The following PRAMEF17 variants were observed in gnomAD, a reference collection of about 807,000 sequenced individuals.
The protein encoded by PRAMEF17 is PRAME family member 17.
PRAMEF17 carries 48 observed loss-of-function variants against 36.8 expected under a neutral mutation model. The observed-to-expected ratio is 1.30, with a 90% CI of 1.03 to 1.66. PRAMEF17 has a LOEUF of 1.66. Ranked by LOEUF, PRAMEF17 falls within the 40% of genes most tolerant of loss-of-function variation. PRAMEF17 has a pLI of 0.00. For missense variants in PRAMEF17, 639 were observed against 560.6 expected (o/e 1.14, Z -1.41); for synonymous variants, 246 against 220.4 (o/e 1.12, Z -1.03).
At position 13,392,031 on chromosome 1, in the gene PRAMEF17, C is replaced by G. The variant is rs1276175531; in HGVS notation, c.954C>G (p.Ser318Arg). The G allele has an allele frequency of 1.9e-6, 3 of 1,611,856 alleles. No homozygotes were observed. Among genetic ancestry groups the G allele is most frequent in the East Asian group, 2.2e-5 (1 of 44,836 alleles). ...QDMECLSQYPSLSQLKELHLI... is the reference protein window; with the variant it reads ...QDMECLSQYPRLSQLKELHLI... The stretch of plus-strand genomic sequence containing the variant: ...TGGAGTGTCTGTCTCAGTACCCAAG[C>G]CTCAGTCAGCTAAAGGAGCTGCATC... Residue 318 changes from serine (S) to arginine (R), a missense_variant, in exon 3 of 3, where the codon AGC becomes AGG. Ser to Arg is a moderately radical substitution (Grantham distance 110). Coordinates refer to ENST00000376098, the MANE Select transcript of PRAMEF17 (RefSeq NM_001099851.3).
chr1:13,389,918 A>G lies in PRAMEF17; in HGVS notation c.261A>G (p.Thr87=), dbSNP rs4026232. 3 of 1,612,844 alleles carry G rather than the reference A, an allele frequency of 1.9e-6. No individual in the cohort carries two copies. The highest frequency in any genetic ancestry group is 4.5e-5 in the East Asian group (2 of 44,872). Residue 87 remains threonine (T), a synonymous_variant, in exon 1 of 3, where the codon ACA becomes ACG. Coordinates refer to ENST00000376098, the MANE Select transcript of PRAMEF17 (RefSeq NM_001099851.3). ...TLQAVLKGLD[T]LLAQKLRPRR... is the part of the protein sequence containing the mutation. ...AAGCTGTGCTGAAGGGACTTGATAC[A>G]CTGCTGGCCCAGAAGCTTCGCCCCA...
At position 13,392,288 on chromosome 1, in the gene PRAMEF17, T is replaced by C. The variant is rs1640896100; in HGVS notation, c.1211T>C (p.Leu404Pro). 1 of 1,612,050 alleles carries C rather than the reference T, an allele frequency of 6.2e-7. No individual in the cohort carries two copies. The highest frequency in any genetic ancestry group is 1.1e-5 in the South Asian group (1 of 90,990). ...LKDLLCHTGG[L>P]SKLGLELYPA... ...GACCTGCTGTGTCACACAGGTGGGCTGAGCAAGTTAGGTCTGGAGTTGTAT... is the reference window on the plus strand; with the variant it reads ...GACCTGCTGTGTCACACAGGTGGGCCGAGCAAGTTAGGTCTGGAGTTGTAT... The change falls in exon 3 of 3, where the codon CTG becomes CCG. Residue 404 changes from leucine (L) to proline (P), a missense_variant. Leu to Pro is a moderately conservative substitution (Grantham distance 98, BLOSUM62 -3). Coordinates refer to ENST00000376098, the MANE Select transcript of PRAMEF17 (RefSeq NM_001099851.3).
Position 13,390,884 on chromosome 1 carries a change from C to G in PRAMEF17, c.831C>G (p.Ile277Met). 6.2e-7 allele frequency: 1 copy of G among 1,611,980 alleles called. No homozygotes were observed. The highest frequency in any genetic ancestry group is 1.3e-5 in the African/African-American group (1 of 74,952). Residue 277 changes from isoleucine to methionine, a missense_variant, in exon 2 of 3, where the codon ATC (isoleucine) becomes ATG (methionine). Transcript: ENST00000376098. ...YYPQMLYIRK[I>M]SNIKEHLEHL... ...CTCAGATGCTTTATATAAGAAAGAT[C>G]AGTAATATCAAAGAGCACCTGGAGC...
At chr1:13,391,559 T>C (rs1421278582) in intron 2 of PRAMEF17, among the ~76,000 whole-genome samples, 5 of 152,270 alleles carry the variant, frequency 3.3e-5, no homozygotes, top group Admixed American at 6.5e-5. Context: ...CTCAGTTGAG[T>C]TCTTTGTGCA....
chr1:13,389,791 G>T lies in PRAMEF17; in HGVS notation c.134G>T (p.Ser45Ile). 6.2e-7 allele frequency: 1 copy of T among 1,613,194 alleles called. No homozygotes were observed. The highest frequency in any genetic ancestry group is 1.3e-5 in the African/African-American group (1 of 75,012). The stretch of plus-strand genomic sequence containing the variant: ...CCTCTGATGTTCATGGAGGCCTCCA[G>T]CATGAGACATTTTGAGGCCCTGAAG... ...VFPLMFMEASSMRHFEALKLM... is the reference protein window; with the variant it reads ...VFPLMFMEASIMRHFEALKLM... The change falls in exon 1 of 3, where the codon AGC (serine) becomes ATC (isoleucine). Residue 45 changes from serine to isoleucine, a missense_variant. Physicochemically the swap from Ser to Ile is moderately radical, Grantham distance 142. Transcript: ENST00000376098.
At chr1:13,391,380 G>C (rs1215383040) in intron 2 of PRAMEF17, among the ~76,000 whole-genome samples, 52 of 152,300 alleles carry the variant, frequency 3.4e-4, no homozygotes, top group African/African-American at 1.1e-3. Flanking sequence ...GTCTGTAAAA[G>C]GTTCTTTTGA....
In PRAMEF17 at chr1:13,392,355, T is replaced by C; in HGVS notation, c.1278T>C (p.Asn426=). 1 of 1,611,914 alleles carries C rather than the reference T, an allele frequency of 6.2e-7. No individual in the cohort carries two copies. The highest frequency in any genetic ancestry group is 1.1e-5 in the South Asian group (1 of 90,986). Residue 426 remains asparagine, a synonymous_variant, in exon 3 of 3, where the codon AAT becomes AAC. Coordinates refer to ENST00000376098, the MANE Select transcript of PRAMEF17 (RefSeq NM_001099851.3). ...LECLDNRGHV[N]WEILAPIRAE... ...GTCTTGACAACAGGGGTCATGTCAA[T>C]TGGGAGATCCTCGCCCCAATTCGGG...
chr1:13,390,818 C>G lies in PRAMEF17; in HGVS notation c.765C>G (p.Phe255Leu). The G allele has an allele frequency of 6.2e-7, 1 of 1,612,030 alleles. No homozygotes were observed. Among genetic ancestry groups the G allele is most frequent in the Non-Finnish European group, 8.5e-7 (1 of 1,179,868 alleles). Residue 255 changes from phenylalanine (F) to leucine (L), a missense_variant, in exon 2 of 3, where the codon TTC becomes TTG. Physicochemically the swap from Phe to Leu is conservative, Grantham distance 22. Transcript: ENST00000376098. ...DELYVSGQQQ[F>L]VPDLDCPFLC... is the part of the protein sequence containing the mutation. The stretch of plus-strand genomic sequence containing the variant: ...TATATGTAAGCGGCCAACAGCAGTT[C>G]GTTCCTGACTTGGACTGTCCATTCC...
In PRAMEF17 at chr1:13,390,848, C is replaced by T; in HGVS notation, c.795C>T (p.Cys265=). The change falls in exon 2 of 3, where the codon TGC becomes TGT. Residue 265 remains cysteine, a synonymous_variant. Coordinates refer to ENST00000376098, the MANE Select transcript of PRAMEF17 (RefSeq NM_001099851.3). ...CTGACTTGGACTGTCCATTCCTCTG[C>T]CTGTACTACCCTCAGATGCTTTATA... ...FVPDLDCPFL[C]LYYPQMLYIR... 1 of 1,612,028 alleles carries T rather than the reference C, an allele frequency of 6.2e-7. No individual in the cohort carries two copies. The highest frequency in any genetic ancestry group is 8.5e-7 in the Non-Finnish European group (1 of 1,179,866).
Position 13,390,666 on chromosome 1 carries a change from G to C in PRAMEF17, c.613G>C (p.Asp205His). 1 of 1,612,000 alleles carries C rather than the reference G, an allele frequency of 6.2e-7. No homozygotes were observed. Among genetic ancestry groups the C allele is most frequent in the Non-Finnish European group, 8.5e-7 (1 of 1,179,826 alleles). ...FRNLLKRVYPDSIQELEIKRK... is the reference protein window; with the variant it reads ...FRNLLKRVYPHSIQELEIKRK... ...AAATTTATTGAAAAGGGTATACCCAGACAGTATCCAGGAGTTGGAAATTAA... is the reference window on the plus strand; with the variant it reads ...AAATTTATTGAAAAGGGTATACCCACACAGTATCCAGGAGTTGGAAATTAA... The change falls in exon 2 of 3, where the codon GAC (aspartate) becomes CAC (histidine). Residue 205 changes from aspartate to histidine, a missense_variant. Physicochemically the swap from Asp to His is moderately conservative, Grantham distance 81. Coordinates refer to ENST00000376098, the MANE Select transcript of PRAMEF17 (RefSeq NM_001099851.3).
chr1:13,389,981 G>T (rs1420666775), intron 1 of PRAMEF17, 37 bp downstream of exon 1: 5 of 1,612,136 alleles, frequency 3.1e-6, no homozygotes, highest in Non-Finnish European at 4.2e-6. Flanking sequence ...GAAGGGTCCA[G>T]GCATCCAGGG....
intron 2 of PRAMEF17, among the ~76,000 whole-genome samples, chr1:13,391,571 T>C (rs879252378): frequency 2.0e-5 from 3 of 151,990 alleles, no homozygotes; most frequent in African/African-American, 7.2e-5. Context: ...CTTTGTGCAC[T>C]TCTCCCACTG....
At position 13,390,525 on chromosome 1, in the gene PRAMEF17, A is replaced by G. The variant is rs1640865821; in HGVS notation, c.472A>G (p.Ser158Gly). 1 of 1,612,028 alleles carries G rather than the reference A, an allele frequency of 6.2e-7. No individual in the cohort carries two copies. The highest frequency in any genetic ancestry group is 1.1e-5 in the South Asian group (1 of 90,990). Residue 158 changes from serine (S) to glycine (G), a missense_variant, in exon 2 of 3, where the codon AGT becomes GGT. Coordinates refer to ENST00000376098, the MANE Select transcript of PRAMEF17 (RefSeq NM_001099851.3). Reference protein sequence around the residue: ...KVFIDLCQKESTLDECLSYLC... With the variant: ...KVFIDLCQKEGTLDECLSYLC... ...GTTCATAGACCTCTGCCAAAAGGAAAGTACACTGGATGAATGCCTGAGCTA... is the reference window on the plus strand; with the variant it reads ...GTTCATAGACCTCTGCCAAAAGGAAGGTACACTGGATGAATGCCTGAGCTA...
At position 13,392,193 on chromosome 1, in the gene PRAMEF17, C is replaced by T. The variant is rs1640894552; in HGVS notation, c.1116C>T (p.Ala372=). 1.2e-6 allele frequency: 2 copies of T among 1,611,854 alleles called. No individual in the cohort carries two copies. Among genetic ancestry groups the T allele is most frequent in the South Asian group, 2.2e-5 (2 of 90,988 alleles). The change falls in exon 3 of 3, where the codon GCC becomes GCT. Residue 372 remains alanine, a synonymous_variant. Coordinates refer to ENST00000376098, the MANE Select transcript of PRAMEF17 (RefSeq NM_001099851.3). ...QDSQLRVLLP[A]LSRCSQLTTF... is the part of the protein sequence containing the mutation. Reference sequence around the variant, plus strand: ...CCCAGCTCAGGGTCCTCCTGCCTGCCCTGAGCCGCTGCTCCCAGCTCACCA... The same window carrying T: ...CCCAGCTCAGGGTCCTCCTGCCTGCTCTGAGCCGCTGCTCCCAGCTCACCA...
At chr1:13,391,243 A>G (rs1331458779) in intron 2 of PRAMEF17, among the ~76,000 whole-genome samples, 1 of 152,136 alleles carries the variant, frequency 6.6e-6, no homozygotes, top group Non-Finnish European at 1.5e-5. Context: ...AGTTAATATG[A>G]TGAAACTTAT....
chr1:13,390,853 A>G lies in PRAMEF17; in HGVS notation c.800A>G (p.Tyr267Cys). ...TTGGACTGTCCATTCCTCTGCCTGT[A>G]CTACCCTCAGATGCTTTATATAAGA... Reference protein sequence around the residue: ...PDLDCPFLCLYYPQMLYIRKI... With the variant: ...PDLDCPFLCLCYPQMLYIRKI... The change falls in exon 2 of 3, where the codon TAC (tyrosine) becomes TGC (cysteine). Residue 267 changes from tyrosine (Y) to cysteine (C), a missense_variant. Transcript: ENST00000376098. 6.2e-7 allele frequency: 1 copy of G among 1,611,390 alleles called. No homozygotes were observed. The highest frequency in any genetic ancestry group is 8.5e-7 in the Non-Finnish European group (1 of 1,179,390).
chr1:13,389,857 G>T lies in PRAMEF17; in HGVS notation c.200G>T (p.Gly67Val). 1.2e-6 allele frequency: 2 copies of T among 1,613,648 alleles called. No homozygotes were observed. Among genetic ancestry groups the T allele is most frequent in the Non-Finnish European group, 1.7e-6 (2 of 1,180,024 alleles). ...QAWPFLRLPLGSLMKTPHLET... is the reference protein window; with the variant it reads ...QAWPFLRLPLVSLMKTPHLET... Reference sequence around the variant, plus strand: ...TGGCCCTTCCTCCGCCTCCCTCTGGGATCCCTGATGAAGACACCTCATCTG... The same window carrying T: ...TGGCCCTTCCTCCGCCTCCCTCTGGTATCCCTGATGAAGACACCTCATCTG... Residue 67 changes from glycine to valine, a missense_variant, in exon 1 of 3, where the codon GGA becomes GTA. Physicochemically the swap from Gly to Val is moderately radical, Grantham distance 109 (BLOSUM62 -3). Coordinates refer to ENST00000376098, the MANE Select transcript of PRAMEF17 (RefSeq NM_001099851.3).
rs1288727273 is a variant in PRAMEF17 at position 13,389,639 on chromosome 1, T to G, written c.-19T>G. ...TCACTGGATTGTCCTCTAGAGTTTTTCACTGGAGATTTGTCAGAATGAGCC... is the reference window on the plus strand; with the variant it reads ...TCACTGGATTGTCCTCTAGAGTTTTGCACTGGAGATTTGTCAGAATGAGCC... On this transcript the variant is annotated 5_prime_UTR_variant, in exon 1 of 3. Transcript: ENST00000376098. 22 of 1,611,864 alleles carry G rather than the reference T, an allele frequency of 1.4e-5. No homozygotes were observed. In the East Asian group the frequency reaches 4.7e-4, roughly 34 times the overall value.
At position 13,390,547 on chromosome 1, in the gene PRAMEF17, G is replaced by T. The variant is rs934572175; in HGVS notation, c.494G>T (p.Ser165Ile). 6.2e-7 allele frequency: 1 copy of T among 1,611,974 alleles called. No individual in the cohort carries two copies. The highest frequency in any genetic ancestry group is 1.3e-5 in the African/African-American group (1 of 74,974). Reference protein sequence around the residue: ...QKESTLDECLSYLCRWIHYRR... With the variant: ...QKESTLDECLIYLCRWIHYRR... ...GAAAGTACACTGGATGAATGCCTGA[G>T]CTACCTCTGCAGGTGGATCCACTAC... The change falls in exon 2 of 3, where the codon AGC becomes ATC. Residue 165 changes from serine (S) to isoleucine (I), a missense_variant. Physicochemically the swap from Ser to Ile is moderately radical, Grantham distance 142. Transcript: ENST00000376098.
Sources: gnomAD v4.1 joint callset for allele counts (sites outside exome capture counted in the v4.1 genomes callset) on GRCh38, gnomAD v4.1.1 for gene constraint, MANE v1.5 for transcripts, NCBI Gene and HGNC (gene_info 2026-07-23, HGNC 2026-07-21) for gene names.